PACS1: variants seen among roughly 807,000 people sequenced by gnomAD.
The protein encoded by PACS1 is PACS-1.
PACS1 carries 24 observed loss-of-function variants against 115.0 expected under a neutral mutation model. The observed-to-expected ratio is 0.21, with a 90% CI of 0.15 to 0.29. The LOEUF (loss-of-function observed/expected upper bound fraction) is 0.29, where lower values mean the gene tolerates loss of function less well. Ranked by LOEUF, PACS1 falls within the 10% of genes least tolerant of loss-of-function variation. PACS1 has a pLI of 1.00. For missense variants in PACS1, 838 were observed against 1,251.2 expected, an observed-to-expected ratio of 0.67 and a Z score of 4.98; for synonymous variants, 453 against 504.5, an observed-to-expected ratio of 0.90 and a Z score of 1.37.
At chr11:66,194,515 A>G (rs1199672646) in intron 2 of PACS1, among the ~76,000 whole-genome samples, 1 of 152,182 alleles carries the variant, frequency 6.6e-6, no homozygotes, top group Non-Finnish European at 1.5e-5. Flanking sequence ...CCAGCTAATT[A>G]CCAAGCGACA....
intron 7 of PACS1, 176 bp from the exon 8 acceptor site, chr11:66,219,570 C>A (rs1202547533): frequency 7.1e-6 from 5 of 704,514 alleles, no homozygotes; most frequent in Non-Finnish European, 1.3e-5. Flanking sequence ...AGGAGCTACA[C>A]TGGAATTTGG....
chr11:66,123,657 G>T (rs1858501088), intron 1 of PACS1, among the ~76,000 whole-genome samples: 1 of 151,966 alleles, frequency 6.6e-6, no homozygotes, highest in Non-Finnish European at 1.5e-5. Context: ...AAGTAGCTGG[G>T]ACTATAGGCA....
chr11:66,239,398 C>T (rs1846689211), intron 21 of PACS1, 121 bp downstream of exon 21: 8 of 1,205,196 alleles, frequency 6.6e-6, no homozygotes, highest in South Asian at 1.6e-5. Context: ...TAGTGCACAC[C>T]TGTGGTCCTA....
intron 1 of PACS1, among the ~76,000 whole-genome samples, chr11:66,125,709 G>A (rs1275839000): frequency 3.3e-5 from 5 of 152,088 alleles, no homozygotes; most frequent in Non-Finnish European, 7.4e-5. Context: ...GGATAATTCA[G>A]GTATTCAAGT....
At chr11:66,190,862 C>T (rs1207241292) in intron 1 of PACS1, among the ~76,000 whole-genome samples, 3 of 152,070 alleles carry the variant, frequency 2.0e-5, no homozygotes, top group East Asian at 3.9e-4. Flanking sequence ...CAACAGATGT[C>T]AGGAGAGTGT....
chr11:66,211,494 T>G (rs1424066127), intron 4 of PACS1, among the ~76,000 whole-genome samples: 1 of 152,216 alleles, frequency 6.6e-6, no homozygotes. Flanking sequence ...AAAAATTACA[T>G]AAAATTTCAA....
intron 1 of PACS1, among the ~76,000 whole-genome samples, chr11:66,134,841 A>G (rs1858807242): frequency 6.6e-6 from 1 of 152,122 alleles, no homozygotes; most frequent in African/African-American, 2.4e-5. Context: ...TTAGATAATT[A>G]TGCCGGAGAT....
Position 66,235,975 on chromosome 11 carries a change from C to T in PACS1, c.2250+35C>T, listed in dbSNP as rs766800536. The T allele has an allele frequency of 1.1e-5, 17 of 1,588,896 alleles. No individual in the cohort carries two copies. Among genetic ancestry groups the T allele is most frequent in the African/African-American group, 1.3e-5 (1 of 74,452 alleles). On this transcript the variant is annotated intron_variant, in intron 19 of 23. Coordinates refer to ENST00000320580, the MANE Select transcript of PACS1 (RefSeq NM_018026.4). This position sits in a 1 kb window ranked among gnomAD's most constrained non-coding sequence, Gnocchi z 5.6. ...GACTCCCTCTGCTTGGCACCCCACC[C>T]GTTCTCCTGGTCTTCCTGTTCCCCC...
chr11:66,086,201 G>T (rs1277135006), intron 1 of PACS1, among the ~76,000 whole-genome samples: 1 of 147,752 alleles, frequency 6.8e-6, no homozygotes, highest in Non-Finnish European at 1.5e-5. Context: ...GCAGTGGCGC[G>T]ATCTCGGCTC....
Position 66,238,582 on chromosome 11 carries a change from C to T in PACS1, c.2251-222C>T. On this transcript the variant is annotated intron_variant, in intron 19 of 23. Coordinates refer to ENST00000320580, the MANE Select transcript of PACS1 (RefSeq NM_018026.4). ...GTGGCGCCATCTCAGCTCACTGAAA[C>T]CTCCGCCTCTCAGGTTCAAGCGATT... The T allele has an allele frequency of 9.9e-6, 5 of 505,164 alleles. No homozygotes were observed. The South Asian group carries it at 1.2e-4, about 12-fold the overall frequency. The allele number at this position is 505,164 out of a possible 1,614,324, so 31.3% of individuals were successfully genotyped here. A position where few individuals can be genotyped will look rare whatever the true frequency, so the allele number is the denominator to read the frequency against.
intron 2 of PACS1, among the ~76,000 whole-genome samples, chr11:66,201,730 G>A (rs959553283): frequency 2.0e-5 from 3 of 150,316 alleles, no homozygotes; most frequent in African/African-American, 7.3e-5. Flanking sequence ...TGCAATCTCA[G>A]CTCATTGCAA....
At chr11:66,215,711 A>G (rs1855184530) in intron 4 of PACS1, among the ~76,000 whole-genome samples, 1 of 151,952 alleles carries the variant, frequency 6.6e-6, no homozygotes, top group Non-Finnish European at 1.5e-5. Flanking sequence ...AGCCTGGCCA[A>G]CATAGTGAAA....
chr11:66,141,695 G>C (rs1321067215), intron 1 of PACS1, among the ~76,000 whole-genome samples: 1 of 151,374 alleles, frequency 6.6e-6, no homozygotes, highest in Non-Finnish European at 1.5e-5. Flanking sequence ...CAGACTTCTG[G>C]GCTCCAGTGA....
rs371538036 is a variant in PACS1, at chr11:66,193,546, C to T, written c.417C>T (p.Asn139=). The T allele has an allele frequency of 1.2e-6, 2 of 1,613,596 alleles. No individual in the cohort carries two copies. Among genetic ancestry groups the T allele is most frequent in the African/African-American group, 2.7e-5 (2 of 74,910 alleles). ...VMLKEMDKDL[N]SVVIAVKLQG... is the part of the protein sequence containing the mutation. ...TAAAAGAAATGGACAAAGATCTTAA[C>T]TCAGTGGTCATCGCTGTGAAGCTGC... is the stretch of plus-strand genomic sequence containing the variant. Residue 139 remains asparagine, a synonymous_variant, in exon 2 of 24, where the codon AAC becomes AAT. Coordinates refer to ENST00000320580, the MANE Select transcript of PACS1 (RefSeq NM_018026.4).
intron 1 of PACS1, among the ~76,000 whole-genome samples, chr11:66,087,120 A>AT: frequency 6.6e-6 from 1 of 152,268 alleles, no homozygotes; most frequent in East Asian, 1.9e-4. Flanking sequence ...GCCCCCTTCT[A>AT]ATACCACCCC....
intron 21 of PACS1, chr11:66,241,185 TC>T: frequency 2.0e-6 from 1 of 495,454 alleles, no homozygotes; most frequent in Non-Finnish European, 3.7e-6. Flanking sequence ...GCCCTTGTCA[TC>T]CTGTGAAGAT....
chr11:66,112,866 A>G (rs2134548072), intron 1 of PACS1, among the ~76,000 whole-genome samples: 1 of 152,370 alleles, frequency 6.6e-6, no homozygotes, highest in South Asian at 2.1e-4. Context: ...AACTGTGGCT[A>G]TGATTTGGCT....
chr11:66,190,673 C>T (rs773093295), intron 1 of PACS1, among the ~76,000 whole-genome samples: 2 of 152,190 alleles, frequency 1.3e-5, no homozygotes, highest in Non-Finnish European at 2.9e-5. Context: ...CAGGAGTTAA[C>T]TACATTTCTG....
chr11:66,224,626 G>A (rs937878344), intron 10 of PACS1, among the ~76,000 whole-genome samples: 50 of 152,216 alleles, frequency 3.3e-4, no homozygotes, highest in African/African-American at 1.0e-3. Context: ...CCTTGGCCAC[G>A]TTTCAGACTC....
Sources: gnomAD v4.1 joint callset for allele counts (sites outside exome capture counted in the v4.1 genomes callset) on GRCh38, gnomAD v4.1.1 for gene constraint, Gnocchi (gnomAD v3.1) non-coding constraint, MANE v1.5 for transcripts, NCBI Gene and HGNC (gene_info 2026-07-23, HGNC 2026-07-21) for gene names.